Variants in HRC observed in about 807,000 individuals in gnomAD.
HRC encodes the protein sarcoplasmic reticulum histidine-rich calcium-binding protein.
A neutral mutation model predicts 61.4 loss-of-function variants in HRC; 41 were observed. The ratio of observed to expected loss-of-function variants is 0.67; its 90% CI spans 0.52 to 0.87. The LOEUF (loss-of-function observed/expected upper bound fraction) is 0.87. Among genes scored for constraint, HRC ranks in the 40% least tolerant of loss-of-function variants. The probability of loss-of-function intolerance (pLI) is 0.00; values close to 1 mark genes in which losing one functional copy is unlikely to be tolerated. For synonymous variants in HRC, 308 were observed against 326.6 expected (o/e 0.94, Z 0.62); for missense variants, 839 against 885.8 (o/e 0.95, Z 0.67).
In HRC at chr19:49,153,113, T is replaced by C; in HGVS notation, c.1902+148A>G. 1.5e-6 allele frequency: 1 copy of C among 682,856 alleles called. No individual in the cohort carries two copies. Among genetic ancestry groups the C allele is most frequent in the Non-Finnish European group, 2.7e-6 (1 of 373,884 alleles). The allele number at this position is 682,856 out of a possible 1,614,324, so 42.3% of individuals were successfully genotyped here. A position where few individuals can be genotyped will look rare whatever the true frequency, so the allele number is the denominator to read the frequency against. On this transcript the variant is annotated intron_variant, in intron 2 of 5. Transcript: ENST00000252825. The surrounding 1 kb of genome is among the most constrained non-coding windows in gnomAD (Gnocchi z 4.8). Reference sequence around the variant, plus strand: ...CAGCCTCCCAGCCTTCAGTCTGTCCTCACCTCACATGCCTGCAGAAGGATC... The same window carrying C: ...CAGCCTCCCAGCCTTCAGTCTGTCCCCACCTCACATGCCTGCAGAAGGATC...
chr19:49,151,517 T>C lies in HRC; in HGVS notation c.2063A>G (p.Gln688Arg), dbSNP rs1231313097. The change falls in exon 5 of 6, where the codon CAG (glutamine) becomes CGG (arginine). Residue 688 changes from glutamine to arginine, a missense_variant and splice_region_variant. By Grantham distance (43) the Gln-to-Arg change is conservative (BLOSUM62 1). Transcript: ENST00000252825. ...YVDYFSSSLYQALADMLETPE... is the reference protein window; with the variant it reads ...YVDYFSSSLYRALADMLETPE... ...ACACGCTCCCCTTTTACACACTTAC[T>C]GATAAAGGGACGAGGAGAAATAGTC... The C allele has an allele frequency of 6.2e-7, 1 of 1,613,892 alleles. No homozygotes were observed. The highest frequency in any genetic ancestry group is 1.1e-5 in the South Asian group (1 of 91,066).
In HRC at chr19:49,151,292, TG is replaced by T; in HGVS notation, c.*3del. 1 of 1,551,490 alleles carries T rather than the reference TG, an allele frequency of 6.4e-7. No homozygotes were observed. The highest frequency in any genetic ancestry group is 8.7e-7 in the Non-Finnish European group (1 of 1,145,876). ...TACACCTGCGTCGCAGTCGAGCGAC[TG>T]GGTCAGGGTTCCGGCGTTTCCAGCA... On this transcript the variant is annotated 3_prime_UTR_variant, in exon 6 of 6. Coordinates refer to ENST00000252825, the MANE Select transcript of HRC (RefSeq NM_002152.3).
In HRC at chr19:49,151,996, A is replaced by C. The variant is rs764217657; in HGVS notation, c.2026+8T>G. On this transcript the variant is annotated splice_region_variant and intron_variant, in intron 4 of 5. Coordinates refer to ENST00000252825, the MANE Select transcript of HRC (RefSeq NM_002152.3). ...CTCAGGTTTTTCCAGGGCCCCGCCC[A>C]TGCTCACCTGGAGCGCAGACCGTTT... 6 of 1,614,010 alleles carry C rather than the reference A, an allele frequency of 3.7e-6. No individual in the cohort carries two copies. The highest frequency in any genetic ancestry group is 2.7e-5 in the African/African-American group (2 of 75,050).
At chr19:49,151,941 A>G (rs961809673) in intron 4 of HRC, 63 bp downstream of exon 4, 2 of 1,508,404 alleles carry the variant, frequency 1.3e-6, no homozygotes, top group African/African-American at 2.8e-5. Flanking sequence ...CGCCCCCACC[A>G]GGATTCACCA....
At position 49,153,496 on chromosome 19, in the gene HRC, T is replaced by C; in HGVS notation, c.1742A>G (p.Glu581Gly). 1.3e-6 allele frequency: 2 copies of C among 1,587,826 alleles called. No individual in the cohort carries two copies. The highest frequency in any genetic ancestry group is 1.7e-6 in the Non-Finnish European group (2 of 1,166,974). ...GTTGGGGATGATGGTGAAGCGGGGC[T>C]CATCTTCCTCCAGCCCCTCCTCCTC... is the stretch of plus-strand genomic sequence containing the variant. ...EEEEEGLEED[E>G]PRFTIIPNPL... The change falls in exon 1 of 6, where the codon GAG becomes GGG. Residue 581 changes from glutamate to glycine, a missense_variant. By Grantham distance (98) the Glu-to-Gly change is moderately conservative. Transcript: ENST00000252825. The surrounding 1 kb of genome is among the most constrained non-coding windows in gnomAD (Gnocchi z 4.8).
Position 49,153,198 on chromosome 19 carries a change from C to T in HRC, c.1902+63G>A, listed in dbSNP as rs555753076. ...GCTCTGAGCCCTCCCACAGCACCAC[C>T]CCAGGGCCCCTGGGACAGATTCTGG... On this transcript the variant is annotated intron_variant, in intron 2 of 5. Transcript: ENST00000252825. The surrounding 1 kb of genome is among the most constrained non-coding windows in gnomAD (Gnocchi z 4.8). 1.0e-4 allele frequency: 137 copies of T among 1,335,400 alleles called. 2 individuals carry two copies. Among genetic ancestry groups the T allele is most frequent in the South Asian group, 6.3e-4 (53 of 83,850 alleles). The allele number at this position is 1,335,400 out of a possible 1,614,324, so 82.7% of individuals were successfully genotyped here.
At chr19:49,151,936 C>T in intron 4 of HRC, 68 bp downstream of exon 4, 1 of 1,485,574 alleles carries the variant, frequency 6.7e-7, no homozygotes, top group Non-Finnish European at 9.4e-7. Context: ...GGCTCCGCCC[C>T]CACCAGGATT....
rs762649692 is a variant in HRC, at chr19:49,151,262, G to A, written c.*34C>T. On this transcript the variant is annotated 3_prime_UTR_variant, in exon 6 of 6. Coordinates refer to ENST00000252825, the MANE Select transcript of HRC (RefSeq NM_002152.3). ...CGTGGAAAGGGGTTGGAAGGCAGGG[G>A]GAGGTACACCTGCGTCGCAGTCGAG... is the stretch of plus-strand genomic sequence containing the variant. The A allele has an allele frequency of 4.6e-6, 7 of 1,523,036 alleles. No homozygotes were observed. In the Admixed American group the frequency reaches 1.5e-4, roughly 33 times the overall value. The allele number at this position is 1,523,036 out of a possible 1,614,324, so 94.3% of individuals were successfully genotyped here. A position where few individuals can be genotyped will look rare whatever the true frequency, so the allele number is the denominator to read the frequency against.
At position 49,155,097 on chromosome 19, in the gene HRC, G is replaced by A. The variant is rs780606171; in HGVS notation, c.141C>T (p.Ala47=). Residue 47 remains alanine (A), a synonymous_variant, in exon 1 of 6, where the codon GCC becomes GCT. Coordinates refer to ENST00000252825, the MANE Select transcript of HRC (RefSeq NM_002152.3). This position sits in a 1 kb window ranked among gnomAD's most constrained non-coding sequence, Gnocchi z 4.7. ...FRNRNNSTGV[A]GLSEEASAEL... is the part of the protein sequence containing the mutation. ...CTGCTGATGCCTCCTCGGAGAGCCC[G>A]GCGACTCCAGTGCTGTTGTTCCGGT... 5.6e-5 allele frequency: 91 copies of A among 1,614,012 alleles called. No homozygotes were observed. In the South Asian group the frequency reaches 6.5e-4, roughly 11 times the overall value.
In HRC at chr19:49,154,236, AC is replaced by A. The variant is rs1242791041; in HGVS notation, c.1001del (p.Gly334ValfsTer41). 1.9e-6 allele frequency: 3 copies of A among 1,611,424 alleles called. No homozygotes were observed. In the African/African-American group the frequency reaches 4.1e-5, roughly 22 times the overall value. ...HRKEEVEAVS[G>X]EHHHHVPDHR... ...GGTCAGGGACATGATGGTGGTGTTC[AC>A]CTGAGACAGCCTCAACCTCTTCCTT... On this transcript the variant is annotated frameshift_variant, in exon 1 of 6. Coordinates refer to ENST00000252825, the MANE Select transcript of HRC (RefSeq NM_002152.3). LOFTEE classifies it high-confidence loss of function.
At chr19:49,152,473 G>T (rs1007784523) in intron 2 of HRC, 95 bp from the exon 3 acceptor site, 5 of 921,226 alleles carry the variant, frequency 5.4e-6, no homozygotes, top group South Asian at 1.6e-5. Context: ...CGCTTCCCCA[G>T]ACTCTACCCT....
chr19:49,151,667 T>G, intron 4 of HRC, 114 bp from the exon 5 acceptor site: 4 of 925,746 alleles, frequency 4.3e-6, no homozygotes, highest in African/African-American at 1.6e-5. Flanking sequence ...CCCTAATTCC[T>G]TCTTCCAACT....
In HRC at chr19:49,153,704, C is replaced by T. The variant is rs767501941; in HGVS notation, c.1534G>A (p.Gly512Ser). The T allele has an allele frequency of 1.9e-6, 3 of 1,613,908 alleles. No homozygotes were observed. Among genetic ancestry groups the T allele is most frequent in the Non-Finnish European group, 2.5e-6 (3 of 1,179,936 alleles). ...SEQGEKGTHH[G>S]SRDQEDEEDE... is the part of the protein sequence containing the mutation. ...TCCTCATCTTCCTGGTCCCGGCTGC[C>T]ATGATGGGTGCCTTTCTCTCCCTGC... The change falls in exon 1 of 6, where the codon GGC becomes AGC. Residue 512 changes from glycine (G) to serine (S), a missense_variant. Transcript: ENST00000252825. The surrounding 1 kb of genome is among the most constrained non-coding windows in gnomAD (Gnocchi z 4.8).
Position 49,154,919 on chromosome 19 carries a change from T to C in HRC, c.319A>G (p.Arg107Gly), listed in dbSNP as rs2041410686. The C allele has an allele frequency of 6.2e-7, 1 of 1,614,200 alleles. No homozygotes were observed. The highest frequency in any genetic ancestry group is 2.2e-5 in the East Asian group (1 of 44,878). ...TCTCCGACTTTGTGGTCTTGGGACC[T>C]GTGGCCTGGGAGTAGGTGCCCATAT... ...KEYGHLLPGH[R>G]SQDHKVGDEG... Residue 107 changes from arginine to glycine, a missense_variant, in exon 1 of 6, where the codon AGG becomes GGG. By Grantham distance (125) the Arg-to-Gly change is moderately radical. Transcript: ENST00000252825.
Position 49,155,198 on chromosome 19 carries a change from A to C in HRC, c.40T>G (p.Trp14Gly). 6.2e-7 allele frequency: 1 copy of C among 1,611,902 alleles called. No individual in the cohort carries two copies. Among genetic ancestry groups the C allele is most frequent in the Non-Finnish European group, 8.5e-7 (1 of 1,179,778 alleles). Residue 14 changes from tryptophan to glycine, a missense_variant, in exon 1 of 6, where the codon TGG (tryptophan) becomes GGG (glycine). Physicochemically the swap from Trp to Gly is radical, Grantham distance 184 (BLOSUM62 -2). Coordinates refer to ENST00000252825, the MANE Select transcript of HRC (RefSeq NM_002152.3). This position sits in a 1 kb window ranked among gnomAD's most constrained non-coding sequence, Gnocchi z 4.7. ...AGGAGCAGGCTGGCCACCCCAGCCCAGAGGACAGAAGCGTGCAGCCATGGC... is the reference window on the plus strand; with the variant it reads ...AGGAGCAGGCTGGCCACCCCAGCCCCGAGGACAGAAGCGTGCAGCCATGGC... ...HRPWLHASVL[W>G]AGVASLLLPP... is the part of the protein sequence containing the mutation.
At position 49,154,386 on chromosome 19, in the gene HRC, G is replaced by A. The variant is rs1366061068; in HGVS notation, c.852C>T (p.Val284=). The A allele has an allele frequency of 3.1e-6, 5 of 1,609,502 alleles. No homozygotes were observed. Among genetic ancestry groups the A allele is most frequent in the Non-Finnish European group, 4.2e-6 (5 of 1,179,456 alleles). ...QGHGIEEDED[V]SDGHHHRDPS... ...GGTCGCGATGATGGTGTCCATCTGAGACATCTTCATCCTCTTCAATCCCGT... is the reference window on the plus strand; with the variant it reads ...GGTCGCGATGATGGTGTCCATCTGAAACATCTTCATCCTCTTCAATCCCGT... Residue 284 remains valine (V), a synonymous_variant, in exon 1 of 6, where the codon GTC becomes GTT. Transcript: ENST00000252825.
Position 49,155,143 on chromosome 19 carries a change from C to T in HRC, c.95G>A (p.Gly32Glu). 6.2e-7 allele frequency: 1 copy of T among 1,613,900 alleles called. No individual in the cohort carries two copies. The highest frequency in any genetic ancestry group is 8.5e-7 in the Non-Finnish European group (1 of 1,180,002). ...CCGGTTTCTGAAGCCTAGCCCATCC[C>T]CTCTGAGCTGCTGGGTCATGGCCGG... is the stretch of plus-strand genomic sequence containing the variant. ...LPPAMTQQLR[G>E]DGLGFRNRNN... Residue 32 changes from glycine to glutamate, a missense_variant, in exon 1 of 6, where the codon GGG becomes GAG. Transcript: ENST00000252825. The surrounding 1 kb of genome is among the most constrained non-coding windows in gnomAD (Gnocchi z 4.7).
In HRC at chr19:49,153,668, C is replaced by A; in HGVS notation, c.1570G>T (p.Glu524Ter). The A allele has an allele frequency of 6.2e-7, 1 of 1,602,546 alleles. No individual in the cohort carries two copies. Residue 524 changes from glutamate to a stop codon, truncating the protein, a stop_gained, in exon 1 of 6, where the codon GAA (glutamate) becomes TAA (stop). Transcript: ENST00000252825. LOFTEE classifies it high-confidence loss of function. The surrounding 1 kb of genome is among the most constrained non-coding windows in gnomAD (Gnocchi z 4.8). ...TGGTTCAGGCTGAGGCCATGACCTT[C>A]CTCCTCATCCTCCTCATCTTCCTGG... ...RDQEDEEDEEEGHGLSLNQEE... is the reference protein window; with the variant it reads ...RDQEDEEDEE
At position 49,154,920 on chromosome 19, in the gene HRC, G is replaced by T. The variant is rs774815749; in HGVS notation, c.318C>A (p.His106Gln). The T allele has an allele frequency of 1.2e-6, 2 of 1,614,088 alleles. No individual in the cohort carries two copies. Residue 106 changes from histidine (H) to glutamine (Q), a missense_variant, in exon 1 of 6, where the codon CAC becomes CAA. His to Gln is a conservative substitution (Grantham distance 24). Coordinates refer to ENST00000252825, the MANE Select transcript of HRC (RefSeq NM_002152.3). The part of the protein sequence containing the change: ...SKEYGHLLPG[H>Q]RSQDHKVGDE... The stretch of plus-strand genomic sequence containing the variant: ...CTCCGACTTTGTGGTCTTGGGACCT[G>T]TGGCCTGGGAGTAGGTGCCCATATT...
Sources: allele counts gnomAD v4.1 joint callset, GRCh38; gene constraint gnomAD v4.1.1; non-coding constraint Gnocchi (gnomAD v3.1); transcripts MANE v1.5; gene names NCBI Gene and HGNC (gene_info 2026-07-23, HGNC 2026-07-21).